TRPM3: variants seen among roughly 807,000 people sequenced by gnomAD.
TRPM3 encodes the protein long transient receptor potential channel 3.
In TRPM3, 77 loss-of-function variants were observed where a neutral mutation model predicts 181.2. The ratio of observed to expected loss-of-function variants is 0.42; its 90% CI spans 0.35 to 0.51. TRPM3 has a LOEUF of 0.51. Ranked by LOEUF, TRPM3 falls within the 20% of genes least tolerant of loss-of-function variation. TRPM3 has a pLI of 0.01. For missense variants in TRPM3, 1,759 were observed against 2,196.7 expected (o/e 0.80, Z 3.98); for synonymous variants, 745 against 796.4 (o/e 0.94, Z 1.09).
chr9:70,894,383 G>A (rs765664762), intron 1 of TRPM3, among the ~76,000 whole-genome samples: 13 of 152,134 alleles, frequency 8.5e-5, no homozygotes, highest in Admixed American at 2.6e-4. Context: ...GGACCATCGG[G>A]CATTACTTGG....
chr9:70,942,946 T>C (rs2096899679), intron 1 of TRPM3, among the ~76,000 whole-genome samples: 1 of 152,120 alleles, frequency 6.6e-6, no homozygotes, highest in Non-Finnish European at 1.5e-5. Flanking sequence ...GATAAACTAA[T>C]GCAACAAGCA....
At chr9:71,114,881 A>G (rs2071966434) in intron 1 of TRPM3, among the ~76,000 whole-genome samples, 3 of 152,198 alleles carry the variant, frequency 2.0e-5, no homozygotes, top group Non-Finnish European at 4.4e-5. Context: ...TCTAAGTTCA[A>G]TAGCATAGAA....
In TRPM3 at chr9:71,288,935, A is replaced by G. The variant is rs915240073; in HGVS notation, c.183+157718T>C. ...TTGACTCTAGGTGGAAATAGGGGGG[A>G]AAAAAAATTCCCAAGACTTTCTAAC... On this transcript the variant is annotated intron_variant, in intron 1 of 24. Coordinates refer to the TRPM3 transcript ENST00000357533. Among the ~76,000 whole-genome samples the G allele has an allele frequency of 6.6e-5, 10 of 151,678 alleles. 1 individual carries two copies. Among genetic ancestry groups the G allele is most frequent in the East Asian group, 1.9e-4 (1 of 5,134 alleles).
intron 1 of TRPM3, among the ~76,000 whole-genome samples, chr9:71,286,587 T>C (rs1459033225): frequency 6.6e-6 from 1 of 152,146 alleles, no homozygotes; most frequent in Non-Finnish European, 1.5e-5. Context: ...GTTTACTACT[T>C]TTAACTTAGG....
chr9:71,184,892 C>T (rs2077590163), intron 1 of TRPM3, among the ~76,000 whole-genome samples: 1 of 152,046 alleles, frequency 6.6e-6, no homozygotes, highest in African/African-American at 2.4e-5. Flanking sequence ...TTGTTTCACT[C>T]TTATAATAAA....
At chr9:70,879,592 A>G (rs1407477048) in intron 1 of TRPM3, among the ~76,000 whole-genome samples, 1 of 151,968 alleles carries the variant, frequency 6.6e-6, no homozygotes, top group East Asian at 1.9e-4. Context: ...ATATCTATTT[A>G]CCTTTTCAAC....
chr9:71,021,385 C>T (rs2097846208), intron 1 of TRPM3, among the ~76,000 whole-genome samples: 1 of 152,042 alleles, frequency 6.6e-6, no homozygotes, highest in Admixed American at 6.6e-5. Flanking sequence ...ATTTATAACT[C>T]AATAAAAAGT....
chr9:71,014,730 T>A (rs1395605250), intron 1 of TRPM3, among the ~76,000 whole-genome samples: 1 of 152,166 alleles, frequency 6.6e-6, no homozygotes, highest in Non-Finnish European at 1.5e-5. Flanking sequence ...TGGAATCACT[T>A]TTAGGCATAT....
intron 5 of TRPM3, among the ~76,000 whole-genome samples, chr9:70,833,579 A>G (rs1365018960): frequency 6.6e-6 from 1 of 152,144 alleles, no homozygotes; most frequent in African/African-American, 2.4e-5. Context: ...GAGGTGAGGT[A>G]TCTTGGTCAA....
At chr9:70,607,033 C>T (rs2061285163) in intron 19 of TRPM3, among the ~76,000 whole-genome samples, 1 of 152,112 alleles carries the variant, frequency 6.6e-6, no homozygotes, top group Admixed American at 6.5e-5. Context: ...AGCCACTTCA[C>T]ACCTTGAATT....
chr9:70,562,687 G>A (rs2049429591), intron 22 of TRPM3, among the ~76,000 whole-genome samples: 1 of 151,942 alleles, frequency 6.6e-6, no homozygotes, highest in Non-Finnish European at 1.5e-5. Context: ...CTGTTACTTG[G>A]TTCCATGTTC....
intron 6 of TRPM3, among the ~76,000 whole-genome samples, chr9:70,787,760 ATTCT>A (rs1341822052): frequency 1.5e-3 from 53 of 34,296 alleles, no homozygotes; most frequent in African/African-American, 4.2e-3. Context: ...GACTTTTTGG[ATTCT>A]TTTTTTTTTT....
At chr9:71,027,823 G>T (rs2056770293) in intron 1 of TRPM3, among the ~76,000 whole-genome samples, 1 of 152,134 alleles carries the variant, frequency 6.6e-6, no homozygotes, top group Non-Finnish European at 1.5e-5. Flanking sequence ...TATGTAAAGA[G>T]ACCAAATCTA....
intron 1 of TRPM3, among the ~76,000 whole-genome samples, chr9:70,932,253 T>A (rs948467871): frequency 6.6e-6 from 1 of 152,090 alleles, no homozygotes; most frequent in Non-Finnish European, 1.5e-5. Flanking sequence ...TTAGACTGAT[T>A]GTGATGGAAA....
At position 71,299,162 on chromosome 9, in the gene TRPM3, C is replaced by T. The variant is rs140363830; in HGVS notation, c.183+147491G>A. 9.2e-5 allele frequency among the ~76,000 whole-genome samples: 14 copies of T among 152,302 alleles called. No homozygotes were observed. In the East Asian group the frequency reaches 2.7e-3, roughly 29 times the overall value. ...AGATAGATGCCAAGAGGTCTGACTGCATTCTCTTTGCAACTGACTAGGTGA... is the reference window on the plus strand; with the variant it reads ...AGATAGATGCCAAGAGGTCTGACTGTATTCTCTTTGCAACTGACTAGGTGA... On this transcript the variant is annotated intron_variant, in intron 1 of 24. Coordinates refer to the TRPM3 transcript ENST00000357533.
intron 6 of TRPM3, chr9:70,826,834 T>C (rs983067470): frequency 1.3e-5 from 2 of 152,218 alleles, no homozygotes; most frequent in Non-Finnish European, 1.5e-5. Context: ...TACCACAAAG[T>C]TTGAGCTTGC....
chr9:71,354,932 C>T (rs2091832678), intron 1 of TRPM3, among the ~76,000 whole-genome samples: 1 of 152,204 alleles, frequency 6.6e-6, no homozygotes, highest in Admixed American at 6.5e-5. Context: ...AATAGTATCT[C>T]TCTGTTATTC....
chr9:71,095,758 CAAAAAAAAAA>C (rs34934062), intron 1 of TRPM3, among the ~76,000 whole-genome samples: 5 of 85,310 alleles, frequency 5.9e-5, no homozygotes, highest in East Asian at 3.5e-4. Flanking sequence ...GACTCTGTGT[CAAAAAAAAAA>C]AAAAAAAAAA....
chr9:71,119,644 C>A (rs1267663447), intron 1 of TRPM3, among the ~76,000 whole-genome samples: 4 of 152,098 alleles, frequency 2.6e-5, no homozygotes, highest in Non-Finnish European at 5.9e-5. Flanking sequence ...TGATACATGA[C>A]TTTAACTGAA....
Sources: gnomAD v4.1 joint callset for allele counts (sites outside exome capture counted in the v4.1 genomes callset) on GRCh38, gnomAD v4.1.1 for gene constraint, MANE v1.5 for transcripts, NCBI Gene and HGNC (gene_info 2026-07-23, HGNC 2026-07-21) for gene names.